The following PDZRN4 variants were observed in gnomAD, a reference collection of about 807,000 sequenced individuals.
PDZRN4 encodes the protein PDZ domain-containing RING finger protein 4.
In PDZRN4, 70 loss-of-function variants were observed where a neutral mutation model predicts 99.0. The ratio of observed to expected loss-of-function variants is 0.71; its 90% confidence interval spans 0.58 to 0.86. The LOEUF is 0.86. Among genes scored for constraint, PDZRN4 ranks in the 40% least tolerant of loss-of-function variants. The pLI, the probability that PDZRN4 is intolerant of heterozygous loss-of-function variation, is 0.00. For missense variants in PDZRN4, 1,474 were observed against 1,331.2 expected, an observed-to-expected ratio of 1.11 and a Z score of -1.67; for synonymous variants, 551 against 501.6, an observed-to-expected ratio of 1.10 and a Z score of -1.32.
chr12:41,450,664 G>A (rs1952766781), intron 3 of PDZRN4, among the ~76,000 whole-genome samples: 1 of 128,050 alleles, frequency 7.8e-6, no homozygotes, highest in African/African-American at 3.2e-5. Context: ...GCTCATGCCT[G>A]TAATCCCAGC....
At chr12:41,225,903 C>T (rs544329128) in intron 3 of PDZRN4, among the ~76,000 whole-genome samples, 2 of 152,194 alleles carry the variant, frequency 1.3e-5, no homozygotes, top group South Asian at 4.1e-4. Flanking sequence ...GCCAGGCACC[C>T]CCCTGGAGTA....
chr12:41,437,813 TTGTC>T, intron 3 of PDZRN4: 1 of 1,570,360 alleles, frequency 6.4e-7, no homozygotes, highest in Non-Finnish European at 8.6e-7. Flanking sequence ...TAACAGCGGT[TTGTC>T]TGTGTTTCTG....
chr12:41,266,316 A>C (rs1591990642), intron 3 of PDZRN4, among the ~76,000 whole-genome samples: 1 of 2,872 alleles, frequency 3.5e-4, no homozygotes, highest in Non-Finnish European at 0.038. Flanking sequence ...GTCTCAAAAA[A>C]AAAAAAAAAA....
At chr12:41,493,010 GGCT>G (rs1353980037) in intron 3 of PDZRN4, among the ~76,000 whole-genome samples, 1 of 152,122 alleles carries the variant, frequency 6.6e-6, no homozygotes, top group East Asian at 1.9e-4. Context: ...TACAGCCAAA[GGCT>G]GCTTTGATTA....
At chr12:41,210,529 T>G (rs187959752) in intron 3 of PDZRN4, among the ~76,000 whole-genome samples, 40 of 152,110 alleles carry the variant, frequency 2.6e-4, no homozygotes, top group African/African-American at 9.1e-4. Flanking sequence ...AATATTATAC[T>G]TTAGATCTAC....
At chr12:41,223,530 A>G (rs1254694127) in intron 3 of PDZRN4, among the ~76,000 whole-genome samples, 1 of 152,212 alleles carries the variant, frequency 6.6e-6, no homozygotes, top group Non-Finnish European at 1.5e-5. Context: ...GTTTTATTTA[A>G]AAAGTGTAAT....
intron 5 of PDZRN4, among the ~76,000 whole-genome samples, chr12:41,540,406 T>C (rs573309929): frequency 6.6e-6 from 1 of 152,296 alleles, no homozygotes; most frequent in South Asian, 2.1e-4. Context: ...GAGCATTGGG[T>C]ATAAAAATAT....
At chr12:41,358,726 C>T (rs1204456797) in intron 3 of PDZRN4, among the ~76,000 whole-genome samples, 2 of 151,936 alleles carry the variant, frequency 1.3e-5, no homozygotes, top group African/African-American at 2.4e-5. Context: ...TTTCCTTTGA[C>T]GCTAAAGCAC....
intron 3 of PDZRN4, among the ~76,000 whole-genome samples, chr12:41,479,014 C>T (rs1361236509): frequency 6.6e-6 from 1 of 152,108 alleles, no homozygotes; most frequent in African/African-American, 2.4e-5. Flanking sequence ...TTTCTCCCTT[C>T]CCAAAATAAA....
chr12:41,434,605 A>G (rs528462417), intron 3 of PDZRN4, among the ~76,000 whole-genome samples: 2 of 152,196 alleles, frequency 1.3e-5, no homozygotes, highest in African/African-American at 4.8e-5. Context: ...TTCACTTGCC[A>G]GTTTAGCCTC....
intron 5 of PDZRN4, among the ~76,000 whole-genome samples, chr12:41,536,375 C>T (rs770462611): frequency 6.6e-6 from 1 of 152,020 alleles, no homozygotes; most frequent in Non-Finnish European, 1.5e-5. Context: ...CATGGAAAGG[C>T]AAAACTACAG....
intron 3 of PDZRN4, among the ~76,000 whole-genome samples, chr12:41,229,602 T>A (rs1256977620): frequency 6.6e-6 from 1 of 152,110 alleles, no homozygotes; most frequent in African/African-American, 2.4e-5. Flanking sequence ...AGTTCTGGTA[T>A]CTGCTTTCCT....
chr12:41,377,785 G>A (rs1308879653), intron 3 of PDZRN4, among the ~76,000 whole-genome samples: 7 of 152,014 alleles, frequency 4.6e-5, no homozygotes, highest in Admixed American at 4.6e-4. Flanking sequence ...TTTTTAGAAA[G>A]TTCATTGTTA....
chr12:41,414,222 T>C (rs1245738526), intron 3 of PDZRN4, among the ~76,000 whole-genome samples: 5 of 152,162 alleles, frequency 3.3e-5, no homozygotes, highest in Non-Finnish European at 7.4e-5. Flanking sequence ...CCTGACCTTT[T>C]TCTCTAGCTG....
At chr12:41,208,680 C>A (rs960253104) in intron 3 of PDZRN4, among the ~76,000 whole-genome samples, 4 of 151,848 alleles carry the variant, frequency 2.6e-5, no homozygotes, top group Non-Finnish European at 5.9e-5. Context: ...GCTTGAACCT[C>A]TAATCTGTAG....
rs142757778 is a variant in PDZRN4, at chr12:41,232,236, G to A, written c.843+38048G>A. The stretch of plus-strand genomic sequence containing the variant: ...AAATGCTGTCTTCATATACTGTTGC[G>A]GAATATTTATTTTCATAATAAAGCA... On this transcript the variant is annotated intron_variant, in intron 3 of 9. Coordinates refer to ENST00000402685, the MANE Select transcript of PDZRN4 (RefSeq NM_001164595.2). 1.6e-4 allele frequency among the ~76,000 whole-genome samples: 25 copies of A among 151,976 alleles called. No individual in the cohort carries two copies. The East Asian group carries it at 1.9e-3, about 12-fold the overall frequency.
At chr12:41,508,441 G>C (rs1938245478) in intron 4 of PDZRN4, among the ~76,000 whole-genome samples, 2 of 152,168 alleles carry the variant, frequency 1.3e-5, no homozygotes, top group African/African-American at 4.8e-5. Context: ...TAATAGGGCA[G>C]AATTGGATTT....
At chr12:41,231,047 G>T (rs575453457) in intron 3 of PDZRN4, among the ~76,000 whole-genome samples, 4 of 152,018 alleles carry the variant, frequency 2.6e-5, no homozygotes, top group Non-Finnish European at 4.4e-5. Flanking sequence ...GTGTACACAC[G>T]TGCATGTGTG....
chr12:41,274,560 A>G (rs1181770407), intron 3 of PDZRN4, among the ~76,000 whole-genome samples: 1 of 152,172 alleles, frequency 6.6e-6, no homozygotes, highest in African/African-American at 2.4e-5. Context: ...ATTAGAAGCC[A>G]TTTTTAAATA....
Sources: allele counts gnomAD v4.1 joint callset (sites outside exome capture counted in the v4.1 genomes callset), GRCh38; gene constraint gnomAD v4.1.1; transcripts MANE v1.5; gene names NCBI Gene and HGNC (gene_info 2026-07-23, HGNC 2026-07-21).